Variants in EML6 observed in about 807,000 individuals in gnomAD.
The protein encoded by EML6 is echinoderm microtubule-associated protein-like 6.
In EML6, 154 loss-of-function variants were observed where a neutral mutation model predicts 240.1. The ratio of observed to expected loss-of-function variants is 0.64; its 90% CI spans 0.56 to 0.73. The LOEUF is 0.73. Ranked by LOEUF, EML6 falls within the 30% of genes least tolerant of loss-of-function variation. The pLI is 0.00. For synonymous variants in EML6, 1,148 were observed against 899.0 expected, an observed-to-expected ratio of 1.28 and a Z score of -4.95; for missense variants, 2,964 against 2,474.6, an observed-to-expected ratio of 1.20 and a Z score of -4.20.
intron 2 of EML6, among the ~76,000 whole-genome samples, chr2:54,788,338 C>G (rs910360643): frequency 2.6e-5 from 4 of 152,232 alleles, no homozygotes; most frequent in African/African-American, 7.2e-5. Context: ...CTGTGTCTCA[C>G]TTGAACCTAA....
chr2:54,800,199 C>G (rs1019517893), intron 2 of EML6, among the ~76,000 whole-genome samples: 3 of 151,224 alleles, frequency 2.0e-5, no homozygotes, highest in Admixed American at 1.3e-4. Context: ...GAGCCGAGAT[C>G]ACACTACTGC....
intron 26 of EML6, among the ~76,000 whole-genome samples, chr2:54,920,606 ACT>A (rs1213161845): frequency 6.6e-6 from 1 of 152,114 alleles, no homozygotes; most frequent in African/African-American, 2.4e-5. Context: ...TCCTTTTTAA[ACT>A]CTTTCAAAAA....
intron 28 of EML6, among the ~76,000 whole-genome samples, chr2:54,932,959 T>C (rs533509755): frequency 1.1e-4 from 17 of 152,288 alleles, no homozygotes; most frequent in African/African-American, 3.4e-4. Context: ...AACTTACTGG[T>C]TTACACACCT....
chr2:54,968,360 C>A, intron 40 of EML6, 79 bp downstream of exon 40: 1 of 1,343,758 alleles, frequency 7.4e-7, no homozygotes, highest in Non-Finnish European at 1.0e-6. Context: ...GTCTAGATGG[C>A]CCTCTGGGAG....
chr2:54,949,667 G>A (rs115315801), intron 29 of EML6, among the ~76,000 whole-genome samples: 6 of 152,144 alleles, frequency 3.9e-5, no homozygotes, highest in Non-Finnish European at 7.3e-5. Flanking sequence ...CATGCCTCAT[G>A]CTGGCCTTCA....
In EML6 at chr2:54,847,747, A is replaced by ATCG; in HGVS notation, c.1187+125_1187+126insCGT. ...ATTTAGCCATTCAAATAGGAATACT[A>ATCG]TAGATCTACGATCCCCTATCTGTAA... On this transcript the variant is annotated intron_variant, in intron 9 of 41. Transcript: ENST00000356458. The ATCG allele has an allele frequency of 7.4e-6, 7 of 945,450 alleles. No homozygotes were observed. In the East Asian group the frequency reaches 8.9e-5, roughly 12 times the overall value. 58.6% of individuals were successfully genotyped at this position (945,450 alleles called of 1,614,324 possible).
At chr2:54,927,660 G>C (rs1163522830) in intron 26 of EML6, among the ~76,000 whole-genome samples, 2 of 152,234 alleles carry the variant, frequency 1.3e-5, no homozygotes, top group East Asian at 1.9e-4. Context: ...CTCCACCCGG[G>C]GATAAAGGTG....
At chr2:54,862,910 G>T (rs541132257) in intron 12 of EML6, among the ~76,000 whole-genome samples, 54 of 152,308 alleles carry the variant, frequency 3.5e-4, no homozygotes, top group African/African-American at 1.2e-3. Context: ...TAGGACAATT[G>T]TAACAGGCAG....
At chr2:54,857,273 C>T (rs1201130893) in intron 11 of EML6, among the ~76,000 whole-genome samples, 5 of 152,126 alleles carry the variant, frequency 3.3e-5, no homozygotes, top group East Asian at 3.9e-4. Context: ...TTGGCAGTCA[C>T]GTTGACAGCA....
chr2:54,906,498 T>A (rs1673335911), intron 24 of EML6, among the ~76,000 whole-genome samples: 1 of 152,140 alleles, frequency 6.6e-6, no homozygotes, highest in Admixed American at 6.5e-5. Context: ...AAGGCCAGCC[T>A]CTTAGAGCTC....
At chr2:54,951,753 G>C (rs1057077077) in intron 30 of EML6, among the ~76,000 whole-genome samples, 1 of 151,230 alleles carries the variant, frequency 6.6e-6, no homozygotes, top group Non-Finnish European at 1.5e-5. Flanking sequence ...TGTCAATTCT[G>C]TGTAGTTGTT....
chr2:54,907,942 AGATAAGATAGAT>A (rs1301545308), intron 24 of EML6, among the ~76,000 whole-genome samples: 3,717 of 37,224 alleles, frequency 0.1, 49 homozygotes, highest in Middle Eastern at 0.15. Flanking sequence ...ATAGATAGAT[AGATAAGATAGAT>A]AGATAGATAG....
rs1682882316 is a variant in EML6 at position 54,725,785 on chromosome 2, T to TA, written c.197+528dup. Among the ~76,000 whole-genome samples, 1 of 152,236 alleles carries TA rather than the reference T, an allele frequency of 6.6e-6. No individual in the cohort carries two copies. The highest frequency in any genetic ancestry group is 1.5e-5 in the Non-Finnish European group (1 of 68,042). On this transcript the variant is annotated intron_variant, in intron 2 of 41. Coordinates refer to ENST00000356458, the MANE Select transcript of EML6 (RefSeq NM_001039753.4). The surrounding 1 kb of genome is among the most constrained non-coding windows in gnomAD (Gnocchi z 4.3). The stretch of plus-strand genomic sequence containing the variant: ...AGTGGGTGGGGAGTTTGTTCTCTAA[T>TA]ATTTCACTTGGCAGTGTTTTAATGC...
chr2:54,959,313 G>C, intron 34 of EML6, 52 bp downstream of exon 34: 1 of 1,461,842 alleles, frequency 6.8e-7, no homozygotes, highest in Middle Eastern at 1.9e-4. Context: ...TATCTTGGGA[G>C]AAACTGACAA....
chr2:54,824,418 T>G (rs1162360107), intron 5 of EML6, among the ~76,000 whole-genome samples: 1 of 152,180 alleles, frequency 6.6e-6, no homozygotes, highest in Non-Finnish European at 1.5e-5. Context: ...CTTCAAAAAA[T>G]TATTTTTGCT....
At chr2:54,744,905 TACACACACACACACACAC>T (rs56324677) in intron 2 of EML6, among the ~76,000 whole-genome samples, 3,051 of 107,286 alleles carry the variant, frequency 0.028, 83 homozygotes, top group African/African-American at 0.075. Context: ...CACACACACG[TACACACACACACACACAC>T]ACACACACAC....
chr2:54,843,990 G>C, intron 7 of EML6, 57 bp from the exon 8 acceptor site: 1 of 1,071,904 alleles, frequency 9.3e-7, no homozygotes, highest in Non-Finnish European at 1.4e-6. Context: ...GTGTGTGTGT[G>C]TGTGTGTGTG....
intron 16 of EML6, among the ~76,000 whole-genome samples, chr2:54,878,233 C>T (rs1671610858): frequency 6.6e-6 from 1 of 152,230 alleles, no homozygotes. Context: ...TACTGCAGGT[C>T]TGCCTTTGAA....
intron 2 of EML6, among the ~76,000 whole-genome samples, chr2:54,740,326 G>T (rs1396540325): frequency 6.6e-6 from 1 of 152,126 alleles, no homozygotes; most frequent in East Asian, 1.9e-4. Flanking sequence ...ATGGTCACAG[G>T]GGTAGGAGGC....
Sources: gnomAD v4.1 joint callset for allele counts (sites outside exome capture counted in the v4.1 genomes callset) on GRCh38, gnomAD v4.1.1 for gene constraint, Gnocchi (gnomAD v3.1) non-coding constraint, MANE v1.5 for transcripts, NCBI Gene and HGNC (gene_info 2026-07-23, HGNC 2026-07-21) for gene names.